MYO1F: variants seen among roughly 807,000 people sequenced by gnomAD.
MYO1F encodes myosin IF.
Under a neutral mutation model 146.6 loss-of-function variants are expected in MYO1F, and 60 were observed. The observed-to-expected ratio is 0.41, with a 90% CI of 0.33 to 0.51. The LOEUF is 0.51. Ranked by LOEUF, MYO1F falls within the 20% of genes least tolerant of loss-of-function variation. The pLI is 0.25. For synonymous variants in MYO1F, 602 were observed against 602.1 expected, an observed-to-expected ratio of 1.00 and a Z score of 0.00; for missense variants, 1,274 against 1,534.3, an observed-to-expected ratio of 0.83 and a Z score of 2.83.
chr19:8,536,184 TCA>T (rs1555721252), intron 19 of MYO1F, 66 bp downstream of exon 19: 1 of 1,551,780 alleles, frequency 6.4e-7, no homozygotes, highest in Non-Finnish European at 8.8e-7. Context: ...TCTCTCTCTC[TCA>T]GTCCCTCTCT....
chr19:8,525,193 C>G, intron 25 of MYO1F: 1 of 304,688 alleles, frequency 3.3e-6, no homozygotes, highest in Non-Finnish European at 5.8e-6. Flanking sequence ...GAGTTGGACT[C>G]CATCTCAAAA....
intron 1 of MYO1F, among the ~76,000 whole-genome samples, chr19:8,561,686 T>TTTCC (rs765758002): frequency 1.1e-4 from 17 of 149,812 alleles, no homozygotes; most frequent in Non-Finnish European, 2.1e-4. Flanking sequence ...TCCCTTCCCT[T>TTTCC]TTCCTTCCTT....
intron 12 of MYO1F, 40 bp downstream of exon 12, chr19:8,547,996 C>CCCCCCCCCCA: frequency 1.8e-6 from 2 of 1,100,022 alleles, no homozygotes; most frequent in Non-Finnish European, 2.8e-6. Context: ...ACCCCACCCC[C>CCCCCCCCCCA]ACCCCAGGAT....
chr19:8,531,702 A>T (rs1309198849), intron 19 of MYO1F, among the ~76,000 whole-genome samples: 1 of 152,206 alleles, frequency 6.6e-6, no homozygotes, highest in Non-Finnish European at 1.5e-5. Flanking sequence ...TTTGCAAGAA[A>T]CGGTATGATG....
intron 26 of MYO1F, 33 bp downstream of exon 26, chr19:8,522,601 C>T (rs1298997061): frequency 5.0e-6 from 8 of 1,608,502 alleles, no homozygotes; most frequent in Non-Finnish European, 6.8e-6. Context: ...ACCCCCTGCC[C>T]ACCTCCTGGA....
chr19:8,523,793 T>C (rs987909105), intron 25 of MYO1F, among the ~76,000 whole-genome samples: 1 of 152,092 alleles, frequency 6.6e-6, no homozygotes, highest in African/African-American at 2.4e-5. Context: ...TAGCTGGGAC[T>C]ATAGGCACAC....
At chr19:8,569,330 G>A (rs1310001705) in intron 1 of MYO1F, among the ~76,000 whole-genome samples, 1 of 152,050 alleles carries the variant, frequency 6.6e-6, no homozygotes, top group Non-Finnish European at 1.5e-5. Flanking sequence ...GGCAGTCAGG[G>A]GCTTGAGGTG....
At chr19:8,563,199 G>T (rs1440146701) in intron 1 of MYO1F, among the ~76,000 whole-genome samples, 3 of 151,512 alleles carry the variant, frequency 2.0e-5, no homozygotes, top group Non-Finnish European at 4.4e-5. Context: ...CACCATGTTG[G>T]TCAGGCTGGT....
chr19:8,529,771 G>C (rs377729216), intron 21 of MYO1F: 1 of 330,894 alleles, frequency 3.0e-6, no homozygotes. Flanking sequence ...GTGCATGTTT[G>C]ATGGACAGCT....
At chr19:8,564,884 TGCCTCA>T in intron 1 of MYO1F, among the ~76,000 whole-genome samples, 2 of 152,114 alleles carry the variant, frequency 1.3e-5, no homozygotes, top group African/African-American at 4.8e-5. Flanking sequence ...GTGATTCTCC[TGCCTCA>T]GCCTCCCAAG....
chr19:8,552,270 T>C (rs1973645443), intron 6 of MYO1F, 106 bp from the exon 7 acceptor site: 2 of 1,243,770 alleles, frequency 1.6e-6, no homozygotes, highest in Non-Finnish European at 2.3e-6. Context: ...TTCTTCCTTT[T>C]TTTTTTGAGA....
chr19:8,548,592 CTTTTTTTT>C (rs1288175114), intron 10 of MYO1F, among the ~76,000 whole-genome samples: 1 of 139,286 alleles, frequency 7.2e-6, no homozygotes, highest in African/African-American at 3.1e-5. Context: ...CCTCTATTTT[CTTTTTTTT>C]TTTTTCTTTT....
At chr19:8,534,689 G>A (rs1416862670) in intron 19 of MYO1F, among the ~76,000 whole-genome samples, 1 of 149,260 alleles carries the variant, frequency 6.7e-6, no homozygotes, top group East Asian at 2.0e-4. Context: ...GCAGTGGTGC[G>A]ATCTCGGCTC....
rs375699074 is a variant in MYO1F at position 8,555,810 on chromosome 19, G to A, written c.4-14C>T. 2.5e-6 allele frequency: 4 copies of A among 1,607,598 alleles called. No homozygotes were observed. The Admixed American group carries it at 6.7e-5, about 27-fold the overall frequency. On this transcript the variant is annotated splice_polypyrimidine_tract_variant and intron_variant, in intron 1 of 27. Transcript: ENST00000644032. ...CTCCTTGCTGCCCTGGGGGGTGAGA[G>A]GGGGGTCGGGGTGAGCCCTTGCACG... is the stretch of plus-strand genomic sequence containing the variant.
chr19:8,564,733 G>A (rs967038632), intron 1 of MYO1F, among the ~76,000 whole-genome samples: 12 of 151,672 alleles, frequency 7.9e-5, no homozygotes, highest in South Asian at 2.1e-4. Context: ...GAGAGGCTGT[G>A]GGGGAGAAGT....
chr19:8,544,104 G>T, intron 14 of MYO1F, 193 bp downstream of exon 14: 1 of 650,038 alleles, frequency 1.5e-6, no homozygotes, highest in East Asian at 2.8e-5. Flanking sequence ...GAGTTCCTGG[G>T]GGGTCAGCCG....
chr19:8,561,592 CCT>C (rs1974130162), intron 1 of MYO1F, among the ~76,000 whole-genome samples: 1 of 134,106 alleles, frequency 7.5e-6, no homozygotes, highest in African/African-American at 3.0e-5. Context: ...TCCCTCCCTC[CCT>C]CTCTTCTCTT....
chr19:8,548,086 T>C lies in MYO1F; in HGVS notation c.1219A>G (p.Asn407Asp), dbSNP rs749657585. ...GFEQFCINFV[N>D]EKLQQIFIEL... ...ATAAAGATTTGCTGCAGCTTCTCAT[T>C]GACGAAGTTGATGCAAAACTGCTCG... The change falls in exon 12 of 28, where the codon AAT becomes GAT. Residue 407 changes from asparagine (N) to aspartate (D), a missense_variant. Coordinates refer to ENST00000644032, the MANE Select transcript of MYO1F (RefSeq NM_012335.4). 1 of 1,613,766 alleles carries C rather than the reference T, an allele frequency of 6.2e-7. No homozygotes were observed. Among genetic ancestry groups the C allele is most frequent in the Non-Finnish European group, 8.5e-7 (1 of 1,179,932 alleles).
chr19:8,522,683 AG>A lies in MYO1F; in HGVS notation c.3000del (p.Ser1001GlnfsTer60). On this transcript the variant is annotated frameshift_variant, in exon 26 of 28. Coordinates refer to ENST00000644032, the MANE Select transcript of MYO1F (RefSeq NM_012335.4). LOFTEE classifies it high-confidence loss of function. ...TTGAGGAATTCTGTGTTGTGCTCTG[AG>A]GGCGGACGTGCCCGGGGTCGTCTGC... ...GASRRPRARP[P>X]SEHNTEFLNV... 6.2e-7 allele frequency: 1 copy of A among 1,613,840 alleles called. No individual in the cohort carries two copies. The highest frequency in any genetic ancestry group is 2.2e-5 in the East Asian group (1 of 44,854).
Sources: gnomAD v4.1 joint callset for allele counts (sites outside exome capture counted in the v4.1 genomes callset) on GRCh38, gnomAD v4.1.1 for gene constraint, MANE v1.5 for transcripts, NCBI Gene and HGNC (gene_info 2026-07-23, HGNC 2026-07-21) for gene names.